Variants in CDH12 observed in about 807,000 individuals in gnomAD.
CDH12 encodes cadherin-12.
Under a neutral mutation model 74.1 loss-of-function variants are expected in CDH12, and 41 were observed. That is an observed-to-expected ratio of 0.55 (90% CI 0.43 to 0.72). The LOEUF is 0.72. CDH12 is among the 30% of genes least tolerant of loss of function. The pLI, the probability that CDH12 is intolerant of heterozygous loss-of-function variation, is 0.00. For missense variants in CDH12, 945 were observed against 977.2 expected, an observed-to-expected ratio of 0.97 and a Z score of 0.44; for synonymous variants, 399 against 355.0, an observed-to-expected ratio of 1.12 and a Z score of -1.39.
intron 6 of CDH12, among the ~76,000 whole-genome samples, chr5:21,892,311 C>T (rs1752934590): frequency 6.6e-6 from 1 of 152,096 alleles, no homozygotes; most frequent in African/African-American, 2.4e-5. Context: ...GGTTATCAAT[C>T]ATGGTGATGA....
At chr5:22,682,081 T>C (rs1320380311) in intron 1 of CDH12, among the ~76,000 whole-genome samples, 2 of 152,134 alleles carry the variant, frequency 1.3e-5, no homozygotes, top group East Asian at 1.9e-4. Context: ...TTGAATTCCT[T>C]AAATCAATAG....
intron 3 of CDH12, among the ~76,000 whole-genome samples, chr5:22,241,118 C>T (rs1014111116): frequency 6.6e-6 from 1 of 152,092 alleles, no homozygotes. Flanking sequence ...AAAGTAAAAT[C>T]TATTTCTTAT....
chr5:22,422,422 A>T (rs1190571350), intron 2 of CDH12, among the ~76,000 whole-genome samples: 1 of 152,096 alleles, frequency 6.6e-6, no homozygotes, highest in Non-Finnish European at 1.5e-5. Context: ...CCAGGCTTGC[A>T]TACTTGATCA....
At chr5:22,800,871 G>A (rs983880455) in intron 1 of CDH12, among the ~76,000 whole-genome samples, 2 of 152,052 alleles carry the variant, frequency 1.3e-5, no homozygotes, top group African/African-American at 4.8e-5. Flanking sequence ...TTCACGGCTC[G>A]ATAGATTATA....
At chr5:21,810,349 G>A (rs1422875680) in intron 9 of CDH12, among the ~76,000 whole-genome samples, 2 of 152,164 alleles carry the variant, frequency 1.3e-5, no homozygotes, top group Admixed American at 6.6e-5. Flanking sequence ...AGGGCTGTAT[G>A]GCAAATTCAT....
At chr5:22,421,059 A>C (rs887483667) in intron 2 of CDH12, among the ~76,000 whole-genome samples, 9 of 152,130 alleles carry the variant, frequency 5.9e-5, no homozygotes, top group African/African-American at 2.2e-4. Context: ...GACTTTGCTG[A>C]AAAGTTGTTT....
chr5:22,148,878 T>C (rs1243129212), intron 4 of CDH12, among the ~76,000 whole-genome samples: 1 of 152,196 alleles, frequency 6.6e-6, no homozygotes, highest in Non-Finnish European at 1.5e-5. Flanking sequence ...CCCAGCACTT[T>C]GGGAGGCCGA....
At chr5:21,949,536 T>C (rs1382410342) in intron 6 of CDH12, among the ~76,000 whole-genome samples, 2 of 151,828 alleles carry the variant, frequency 1.3e-5, no homozygotes, top group East Asian at 1.9e-4. Flanking sequence ...ATTGTTATGA[T>C]AGGAGATGTC....
intron 4 of CDH12, among the ~76,000 whole-genome samples, chr5:22,189,213 T>C (rs1475388590): frequency 6.6e-6 from 1 of 152,192 alleles, no homozygotes; most frequent in Non-Finnish European, 1.5e-5. Context: ...ACCATGACAC[T>C]GCCGATAAAC....
At chr5:22,332,790 G>A (rs1739404339) in intron 3 of CDH12, among the ~76,000 whole-genome samples, 1 of 152,090 alleles carries the variant, frequency 6.6e-6, no homozygotes, top group Non-Finnish European at 1.5e-5. Flanking sequence ...CACTCAGAAT[G>A]GCGATTATTA....
chr5:22,380,663 T>C (rs980468752), intron 3 of CDH12, among the ~76,000 whole-genome samples: 1 of 152,154 alleles, frequency 6.6e-6, no homozygotes, highest in Non-Finnish European at 1.5e-5. Flanking sequence ...TGTCTATTTT[T>C]ACAATATGTG....
chr5:22,519,918 G>A (rs1736976138), intron 1 of CDH12, among the ~76,000 whole-genome samples: 1 of 152,112 alleles, frequency 6.6e-6, no homozygotes, highest in Non-Finnish European at 1.5e-5. Context: ...AGCACCCTGT[G>A]TATATTGTAG....
chr5:21,825,164 A>G (rs1159902202), intron 8 of CDH12, among the ~76,000 whole-genome samples: 1 of 151,736 alleles, frequency 6.6e-6, no homozygotes, highest in Non-Finnish European at 1.5e-5. Flanking sequence ...AAAAAAAAAA[A>G]AAAAGAAAAA....
intron 2 of CDH12, among the ~76,000 whole-genome samples, chr5:22,426,941 ATC>A (rs1160945723): frequency 6.6e-6 from 1 of 151,310 alleles, no homozygotes; most frequent in Non-Finnish European, 1.5e-5. Flanking sequence ...TGACCTCAAC[ATC>A]TCTCTCTCTC....
At chr5:22,582,787 CA>C (rs1206058183) in intron 1 of CDH12, among the ~76,000 whole-genome samples, 4 of 152,000 alleles carry the variant, frequency 2.6e-5, no homozygotes, top group Non-Finnish European at 5.9e-5. Context: ...GCAATTGTAT[CA>C]TGTTTTCATG....
At chr5:22,620,614 A>G (rs999481816) in intron 1 of CDH12, among the ~76,000 whole-genome samples, 1 of 152,144 alleles carries the variant, frequency 6.6e-6, no homozygotes, top group African/African-American at 2.4e-5. Context: ...CTTTCTTCCT[A>G]TTTTAGGGTT....
At chr5:22,088,019 T>G (rs2150234640) in intron 4 of CDH12, among the ~76,000 whole-genome samples, 1 of 152,280 alleles carries the variant, frequency 6.6e-6, no homozygotes, top group Admixed American at 6.5e-5. Context: ...TCTTTCTGAA[T>G]TCCCAATTTT....
intron 6 of CDH12, among the ~76,000 whole-genome samples, chr5:21,887,230 A>G (rs1752677291): frequency 6.6e-6 from 1 of 152,030 alleles, no homozygotes; most frequent in South Asian, 2.1e-4. Context: ...TCCTTCTTTT[A>G]TCCCTTCTTT....
intron 3 of CDH12, among the ~76,000 whole-genome samples, chr5:22,216,957 T>C (rs1751827996): frequency 4.6e-5 from 7 of 151,844 alleles, no homozygotes. Flanking sequence ...ATGCATCTAT[T>C]TGCCTAATAA....
Sources: gnomAD v4.1 joint callset for allele counts (sites outside exome capture counted in the v4.1 genomes callset) on GRCh38, gnomAD v4.1.1 for gene constraint, MANE v1.5 for transcripts, NCBI Gene and HGNC (gene_info 2026-07-23, HGNC 2026-07-21) for gene names.